Variants in PRKAR2B observed in about 807,000 individuals in gnomAD.
PRKAR2B encodes protein kinase cAMP-dependent type II regulatory subunit beta.
A neutral mutation model predicts 49.9 loss-of-function variants in PRKAR2B; 14 were observed. The ratio of observed to expected loss-of-function variants is 0.28; its 90% CI spans 0.19 to 0.44. The LOEUF (loss-of-function observed/expected upper bound fraction) is 0.44. PRKAR2B is among the 20% of genes least tolerant of loss of function. The pLI, the probability that PRKAR2B is intolerant of heterozygous loss-of-function variation, is 1.00. For missense variants in PRKAR2B, 393 were observed against 537.9 expected (o/e 0.73, Z 2.67); for synonymous variants, 196 against 197.7 (o/e 0.99, Z 0.07).
intron 4 of PRKAR2B, among the ~76,000 whole-genome samples, chr7:107,138,615 A>G (rs190819701): frequency 1.3e-5 from 2 of 150,726 alleles, no homozygotes; most frequent in Non-Finnish European, 1.5e-5. Flanking sequence ...TGGTGTGATC[A>G]TGGCTCACTG....
chr7:107,153,263 TG>T lies in PRKAR2B; in HGVS notation c.918+13del, dbSNP rs774535405. ...AAATCATTGCTCAGGTATGATATTT[TG>T]AAATGTAATTCAGTTTAGGGTTATA... On this transcript the variant is annotated intron_variant, in intron 8 of 10. Coordinates refer to ENST00000265717, the MANE Select transcript of PRKAR2B (RefSeq NM_002736.3). 7 of 1,585,038 alleles carry T rather than the reference TG, an allele frequency of 4.4e-6. No individual in the cohort carries two copies.
chr7:107,047,105 A>G (rs1216248229), intron 1 of PRKAR2B, among the ~76,000 whole-genome samples: 1 of 152,202 alleles, frequency 6.6e-6, no homozygotes. Flanking sequence ...AACTTGTTAA[A>G]CAATTGCACT....
intron 4 of PRKAR2B, among the ~76,000 whole-genome samples, chr7:107,131,568 G>A (rs989359038): frequency 6.6e-6 from 1 of 152,084 alleles, no homozygotes; most frequent in Non-Finnish European, 1.5e-5. Flanking sequence ...TGTCATGATC[G>A]AATGTTTTAT....
rs1391829143 is a variant in PRKAR2B, at chr7:107,157,059, C to G, written c.984+10C>G. 6.2e-7 allele frequency: 1 copy of G among 1,609,622 alleles called. No homozygotes were observed. The highest frequency in any genetic ancestry group is 8.5e-7 in the Non-Finnish European group (1 of 1,176,036). ...TACTATGAAAAGAAAGGTAAGCATT[C>G]TAAGTCCTCAGAACCCACATACTGT... is the stretch of plus-strand genomic sequence containing the variant. On this transcript the variant is annotated intron_variant, in intron 9 of 10. Coordinates refer to ENST00000265717, the MANE Select transcript of PRKAR2B (RefSeq NM_002736.3).
At chr7:107,087,829 CTCT>C (rs1336293932) in intron 2 of PRKAR2B, among the ~76,000 whole-genome samples, 2 of 152,146 alleles carry the variant, frequency 1.3e-5, no homozygotes, top group Non-Finnish European at 2.9e-5. Context: ...ATTAGTCTTC[CTCT>C]TCTTTTCTCA....
At chr7:107,150,692 T>G (rs1278220096) in intron 6 of PRKAR2B, among the ~76,000 whole-genome samples, 2 of 100,062 alleles carry the variant, frequency 2.0e-5, no homozygotes, top group South Asian at 3.8e-4. Context: ...CAACAGATGC[T>G]TTCTTTAAAA....
At chr7:107,050,713 G>A (rs1793784201) in intron 1 of PRKAR2B, among the ~76,000 whole-genome samples, 1 of 152,170 alleles carries the variant, frequency 6.6e-6, no homozygotes, top group South Asian at 2.1e-4. Context: ...GTCTACTTTA[G>A]AAGTGTGGAG....
chr7:107,053,283 TA>T (rs1352773709), intron 1 of PRKAR2B, among the ~76,000 whole-genome samples: 1 of 152,210 alleles, frequency 6.6e-6, no homozygotes, highest in Non-Finnish European at 1.5e-5. Flanking sequence ...TATATTGACT[TA>T]TATGTATGAT....
intron 2 of PRKAR2B, among the ~76,000 whole-genome samples, chr7:107,110,079 G>A (rs879875832): frequency 6.6e-6 from 1 of 152,170 alleles, no homozygotes; most frequent in African/African-American, 2.4e-5. Flanking sequence ...GCCGCATGGT[G>A]CAGAGAGATA....
At chr7:107,066,301 GGTGTGTGTGT>G (rs3074837) in intron 1 of PRKAR2B, among the ~76,000 whole-genome samples, 5 of 145,602 alleles carry the variant, frequency 3.4e-5, no homozygotes, top group East Asian at 2.0e-4. Context: ...CTCTATGTGG[GGTGTGTGTGT>G]GTGTGTGTGT....
chr7:107,092,528 T>C (rs2116801921), intron 2 of PRKAR2B, among the ~76,000 whole-genome samples: 1 of 152,228 alleles, frequency 6.6e-6, no homozygotes, highest in South Asian at 2.1e-4. Flanking sequence ...CAGCCCATTG[T>C]GCTGCTATTG....
At chr7:107,085,427 T>C (rs1232570143) in intron 2 of PRKAR2B, among the ~76,000 whole-genome samples, 5 of 152,330 alleles carry the variant, frequency 3.3e-5, no homozygotes, top group Admixed American at 1.3e-4. Context: ...CAATCTTTTT[T>C]TATAGTTGTG....
intron 7 of PRKAR2B, among the ~76,000 whole-genome samples, chr7:107,151,789 A>G (rs185291465): frequency 2.0e-5 from 3 of 152,172 alleles, no homozygotes; most frequent in African/African-American, 4.8e-5. Context: ...GTTGTACTGC[A>G]TATCGCTAGC....
chr7:107,117,442 T>C (rs1795297238), intron 2 of PRKAR2B, among the ~76,000 whole-genome samples: 1 of 152,174 alleles, frequency 6.6e-6, no homozygotes, highest in African/African-American at 2.4e-5. Context: ...TTTTCTAGAT[T>C]GAAGGCCTCT....
intron 2 of PRKAR2B, among the ~76,000 whole-genome samples, chr7:107,098,846 G>A (rs961362156): frequency 2.0e-5 from 3 of 152,196 alleles, no homozygotes; most frequent in Non-Finnish European, 4.4e-5. Context: ...TTGCAGAACG[G>A]CAAATGTTGC....
intron 2 of PRKAR2B, among the ~76,000 whole-genome samples, chr7:107,092,781 A>G (rs1348741258): frequency 6.6e-6 from 1 of 152,220 alleles, no homozygotes; most frequent in African/African-American, 2.4e-5. Context: ...GGTATTAAGT[A>G]CATTCACATT....
At chr7:107,140,817 A>G in intron 4 of PRKAR2B, 30 bp from the exon 5 acceptor site, 1 of 1,501,960 alleles carries the variant, frequency 6.7e-7, no homozygotes, top group Non-Finnish European at 9.1e-7. Context: ...GATAAACATA[A>G]AGATTATATC....
At chr7:107,049,097 A>G (rs953466348) in intron 1 of PRKAR2B, among the ~76,000 whole-genome samples, 1 of 152,200 alleles carries the variant, frequency 6.6e-6, no homozygotes, top group African/African-American at 2.4e-5. Context: ...AGTTTGGAGT[A>G]AAATCTGTGG....
Position 107,130,371 on chromosome 7 carries a change from G to A in PRKAR2B, c.480+2076G>A, listed in dbSNP as rs377666012. ...AAAAAAGTTAGCCGGGCGTGGTGGCGGGCGCCTGTAGTCCCAGCTACTAGG... is the reference window on the plus strand; with the variant it reads ...AAAAAAGTTAGCCGGGCGTGGTGGCAGGCGCCTGTAGTCCCAGCTACTAGG... On this transcript the variant is annotated intron_variant, in intron 4 of 10. Coordinates refer to ENST00000265717, the MANE Select transcript of PRKAR2B (RefSeq NM_002736.3). Among the ~76,000 whole-genome samples the A allele has an allele frequency of 4.3e-3, 660 of 151,890 alleles. 6 individuals are homozygous for A. The highest frequency in any genetic ancestry group is 0.014 in the African/African-American group (563 of 41,426).
Sources: gnomAD v4.1 joint callset for allele counts (sites outside exome capture counted in the v4.1 genomes callset) on GRCh38, gnomAD v4.1.1 for gene constraint, MANE v1.5 for transcripts, NCBI Gene and HGNC (gene_info 2026-07-23, HGNC 2026-07-21) for gene names.